Variants in UNC5D observed in about 807,000 individuals in gnomAD.
UNC5D encodes netrin receptor UNC5D.
Under a neutral mutation model 105.4 loss-of-function variants are expected in UNC5D, and 39 were observed. The observed-to-expected ratio is 0.37, with a 90% CI of 0.29 to 0.48. The LOEUF is 0.48. Ranked by LOEUF, UNC5D falls within the 20% of genes least tolerant of loss-of-function variation. The probability of loss-of-function intolerance (pLI) is 0.98; values close to 1 mark genes in which losing one functional copy is unlikely to be tolerated. For synonymous variants in UNC5D, 452 were observed against 450.4 expected (o/e 1.00, Z -0.04); for missense variants, 991 against 1,202.4 (o/e 0.82, Z 2.60).
chr8:35,544,224 C>T (rs1018048984), intron 1 of UNC5D, among the ~76,000 whole-genome samples: 8 of 152,172 alleles, frequency 5.3e-5, no homozygotes, highest in African/African-American at 1.7e-4. Context: ...TTTCTGCTAA[C>T]GGAGTTTCCA....
At chr8:35,256,707 C>CACAT (rs1476767277) in intron 1 of UNC5D, 2 of 152,032 alleles carry the variant, frequency 1.3e-5, no homozygotes, top group Non-Finnish European at 2.9e-5. Flanking sequence ...CTAACTCCAA[C>CACAT]ACATATGTGC....
At chr8:35,557,841 C>T (rs1457523559) in intron 2 of UNC5D, among the ~76,000 whole-genome samples, 7 of 151,890 alleles carry the variant, frequency 4.6e-5, no homozygotes, top group Non-Finnish European at 7.4e-5. Flanking sequence ...AAAATGTCTC[C>T]CCCTCCAGGG....
intron 7 of UNC5D, among the ~76,000 whole-genome samples, chr8:35,704,062 A>G (rs1271333367): frequency 6.6e-6 from 1 of 152,198 alleles, no homozygotes; most frequent in African/African-American, 2.4e-5. Flanking sequence ...AAACCTGACT[A>G]TGTAAAAAAA....
chr8:35,639,174 G>A (rs1822557721), intron 4 of UNC5D, among the ~76,000 whole-genome samples: 1 of 152,184 alleles, frequency 6.6e-6, no homozygotes, highest in African/African-American at 2.4e-5. Context: ...GAGATCCCAG[G>A]ACCATGTCCA....
At chr8:35,398,363 A>G (rs1441741377) in intron 1 of UNC5D, among the ~76,000 whole-genome samples, 2 of 152,130 alleles carry the variant, frequency 1.3e-5, no homozygotes, top group Non-Finnish European at 2.9e-5. Flanking sequence ...ATCACTAATT[A>G]TATCATAATT....
chr8:35,424,964 G>A (rs1806146937), intron 1 of UNC5D, among the ~76,000 whole-genome samples: 1 of 152,146 alleles, frequency 6.6e-6, no homozygotes, highest in Non-Finnish European at 1.5e-5. Context: ...GTTAGAATGT[G>A]GGTGATCATG....
intron 1 of UNC5D, chr8:35,544,655 T>C: frequency 7.8e-7 from 1 of 1,283,060 alleles, no homozygotes; most frequent in Non-Finnish European, 1.0e-6. Flanking sequence ...CAGGCTGGAG[T>C]GCAATAGTGT....
intron 1 of UNC5D, among the ~76,000 whole-genome samples, chr8:35,533,922 A>C (rs1461096859): frequency 6.6e-6 from 1 of 152,042 alleles, no homozygotes; most frequent in Non-Finnish European, 1.5e-5. Flanking sequence ...CGGTGCGCGC[A>C]CCCACTGGCC....
At chr8:35,267,106 G>A (rs1192985251) in intron 1 of UNC5D, among the ~76,000 whole-genome samples, 1 of 143,390 alleles carries the variant, frequency 7.0e-6, no homozygotes, top group African/African-American at 2.6e-5. Flanking sequence ...TTTTTGATGA[G>A]CCGTTAAGGG....
At chr8:35,649,552 C>T (rs539553147) in intron 4 of UNC5D, among the ~76,000 whole-genome samples, 2 of 152,122 alleles carry the variant, frequency 1.3e-5, no homozygotes, top group Non-Finnish European at 2.9e-5. Flanking sequence ...CTTACTGGCT[C>T]CTTTTCAATC....
chr8:35,413,757 C>G (rs1805351760), intron 1 of UNC5D, among the ~76,000 whole-genome samples: 1 of 152,096 alleles, frequency 6.6e-6, no homozygotes, highest in Non-Finnish European at 1.5e-5. Context: ...AGTACTGAGA[C>G]TGGCTTAAGA....
intron 1 of UNC5D, among the ~76,000 whole-genome samples, chr8:35,281,829 C>T (rs1806199835): frequency 6.6e-6 from 1 of 152,192 alleles, no homozygotes; most frequent in Non-Finnish European, 1.5e-5. Flanking sequence ...TCCTAGCCTG[C>T]TTACTTCGTT....
chr8:35,439,003 G>T (rs976639674), intron 1 of UNC5D, among the ~76,000 whole-genome samples: 1 of 151,934 alleles, frequency 6.6e-6, no homozygotes, highest in Admixed American at 6.6e-5. Flanking sequence ...CTGGCCTGAT[G>T]AATTAGACAG....
At position 35,793,214 on chromosome 8, in the gene UNC5D, A is replaced by G. The variant is rs1803122941; in HGVS notation, c.*2651A>G. ...GCATGTCAGGATTGCACAGTATGTTACAATACAATTTCAAAGAGAACCCAC... is the reference window on the plus strand; with the variant it reads ...GCATGTCAGGATTGCACAGTATGTTGCAATACAATTTCAAAGAGAACCCAC... On this transcript the variant is annotated 3_prime_UTR_variant, in exon 17 of 17. Coordinates refer to ENST00000404895, the MANE Select transcript of UNC5D (RefSeq NM_080872.4). 1 of 444,262 alleles carries G rather than the reference A, an allele frequency of 2.3e-6. No individual in the cohort carries two copies. Among genetic ancestry groups the G allele is most frequent in the South Asian group, 1.6e-5 (1 of 61,996 alleles). The allele number at this position is 444,262 out of a possible 1,614,324, so 27.5% of individuals were successfully genotyped here. A position where few individuals can be genotyped will look rare whatever the true frequency, so the allele number is the denominator to read the frequency against.
chr8:35,468,887 A>G (rs1219276769), intron 1 of UNC5D, among the ~76,000 whole-genome samples: 1 of 152,222 alleles, frequency 6.6e-6, no homozygotes, highest in Non-Finnish European at 1.5e-5. Flanking sequence ...CAGGTGAGTT[A>G]GAAGAAAACT....
chr8:35,391,559 GT>G (rs1359957291), intron 1 of UNC5D, among the ~76,000 whole-genome samples: 1 of 152,174 alleles, frequency 6.6e-6, no homozygotes, highest in Non-Finnish European at 1.5e-5. Context: ...AGTTATACCA[GT>G]GGAAGAAATG....
intron 4 of UNC5D, among the ~76,000 whole-genome samples, chr8:35,602,992 C>T (rs1322647330): frequency 6.6e-6 from 1 of 151,530 alleles, no homozygotes; most frequent in South Asian, 2.1e-4. Flanking sequence ...TTTCAGAAAA[C>T]CAGCTGCTGG....
chr8:35,729,323 G>A lies in UNC5D; in HGVS notation c.1682-1689G>A, dbSNP rs1036860768. Among the ~76,000 whole-genome samples, 8 of 152,108 alleles carry A rather than the reference G, an allele frequency of 5.3e-5. No individual in the cohort carries two copies. In the East Asian group the frequency reaches 5.8e-4, roughly 11 times the overall value. The stretch of plus-strand genomic sequence containing the variant: ...TGATCTACAGAAGCTAACATGTCTC[G>A]GACCCTGTCTTTTTTACTAAGAATT... On this transcript the variant is annotated intron_variant, in intron 10 of 16. Transcript: ENST00000404895.
intron 6 of UNC5D, among the ~76,000 whole-genome samples, chr8:35,686,014 G>A (rs1022370069): frequency 6.6e-6 from 1 of 152,170 alleles, no homozygotes; most frequent in African/African-American, 2.4e-5. Context: ...CATGACCCAA[G>A]AAATTCTATT....
Sources: allele counts gnomAD v4.1 joint callset (sites outside exome capture counted in the v4.1 genomes callset), GRCh38; gene constraint gnomAD v4.1.1; transcripts MANE v1.5; gene names NCBI Gene and HGNC (gene_info 2026-07-23, HGNC 2026-07-21).